KIAA0825: variants seen among roughly 807,000 people sequenced by gnomAD.
The protein encoded by KIAA0825 is KIAA0825, also known as uncharacterized protein KIAA0825.
A neutral mutation model predicts 147.6 loss-of-function variants in KIAA0825; 119 were observed. That is an observed-to-expected ratio of 0.81 (90% confidence interval 0.69 to 0.94). The LOEUF (loss-of-function observed/expected upper bound fraction) is 0.94. KIAA0825 is among the 40% of genes least tolerant of loss of function. The probability of loss-of-function intolerance (pLI) is 0.00; values close to 1 mark genes in which losing one functional copy is unlikely to be tolerated. For missense variants in KIAA0825, 1,381 were observed against 1,472.7 expected, an observed-to-expected ratio of 0.94 and a Z score of 1.02; for synonymous variants, 470 against 518.1, an observed-to-expected ratio of 0.91 and a Z score of 1.26.
At chr5:94,366,426 T>G (rs571940010) in intron 20 of KIAA0825, among the ~76,000 whole-genome samples, 68 of 152,222 alleles carry the variant, frequency 4.5e-4, no homozygotes, top group African/African-American at 1.4e-3. Flanking sequence ...CATTTCTGCT[T>G]CTTCTCCTTG....
intron 20 of KIAA0825, among the ~76,000 whole-genome samples, chr5:94,268,212 T>C (rs1776818128): frequency 6.6e-6 from 1 of 152,160 alleles, no homozygotes; most frequent in Non-Finnish European, 1.5e-5. Context: ...TTCCCTTTAA[T>C]TGGCTTTAGA....
chr5:94,570,802 TTAAAC>T (rs1224354911), intron 2 of KIAA0825: 1 of 152,350 alleles, frequency 6.6e-6, no homozygotes, highest in Non-Finnish European at 1.5e-5. Flanking sequence ...AGATTCTAAT[TTAAAC>T]TACTCTCTGT....
intron 17 of KIAA0825, among the ~76,000 whole-genome samples, chr5:94,393,930 C>T (rs2150571990): frequency 6.6e-6 from 1 of 151,370 alleles, no homozygotes; most frequent in East Asian, 2.0e-4. Context: ...CTCACGGCAA[C>T]CTCCGCCTCC....
chr5:94,268,539 A>G (rs2150139843), intron 20 of KIAA0825, among the ~76,000 whole-genome samples: 1 of 152,246 alleles, frequency 6.6e-6, no homozygotes, highest in South Asian at 2.1e-4. Context: ...ACAAATAGAA[A>G]CGGTGGCTCT....
chr5:94,532,276 T>G (rs1252209304), intron 3 of KIAA0825, among the ~76,000 whole-genome samples: 2 of 152,156 alleles, frequency 1.3e-5, no homozygotes, highest in African/African-American at 4.8e-5. Flanking sequence ...GCACCCCAAG[T>G]AGCTAAACCC....
rs1428031731 is a variant in KIAA0825, at chr5:94,464,906, G to A, written c.2026C>T (p.Arg676Trp). The change falls in exon 11 of 21, where the codon CGG becomes TGG. Residue 676 changes from arginine (R) to tryptophan (W), a missense_variant. Arg to Trp is a moderately radical substitution (Grantham distance 101). Coordinates refer to ENST00000682413, the MANE Select transcript of KIAA0825 (RefSeq NM_001145678.3). ...GTTCTTTTACGGCTGGGGTGGGCCC[G>A]AGCGTATCTGGAGGCCAGTAGACTC... ...SLSLLASRYA[R>W]AHPSRKRTPQ... is the part of the protein sequence containing the mutation. 12 of 1,551,448 alleles carry A rather than the reference G, an allele frequency of 7.7e-6. No individual in the cohort carries two copies. Among genetic ancestry groups the A allele is most frequent in the African/African-American group, 4.1e-5 (3 of 73,000 alleles).
intron 20 of KIAA0825, among the ~76,000 whole-genome samples, chr5:94,361,782 G>T (rs1745097261): frequency 1.3e-5 from 2 of 152,120 alleles, no homozygotes; most frequent in African/African-American, 4.8e-5. Context: ...AACCCTTGGG[G>T]TCTATAAATT....
intron 20 of KIAA0825, among the ~76,000 whole-genome samples, chr5:94,184,474 C>G (rs1212808535): frequency 6.6e-6 from 1 of 152,124 alleles, no homozygotes; most frequent in Non-Finnish European, 1.5e-5. Flanking sequence ...TGCTTTTAAA[C>G]ACATTGATCA....
intron 20 of KIAA0825, among the ~76,000 whole-genome samples, chr5:94,281,628 G>A (rs968793654): frequency 1.3e-5 from 2 of 152,076 alleles, no homozygotes; most frequent in African/African-American, 2.4e-5. Flanking sequence ...GCTGCCTCCT[G>A]CATTGTAGGA....
chr5:94,243,449 T>A (rs1775455515), intron 20 of KIAA0825, among the ~76,000 whole-genome samples: 1 of 152,128 alleles, frequency 6.6e-6, no homozygotes, highest in Non-Finnish European at 1.5e-5. Context: ...CAGTTGAAAG[T>A]TTCTATACCT....
At chr5:94,446,646 G>A (rs924842105) in intron 13 of KIAA0825, among the ~76,000 whole-genome samples, 3 of 152,158 alleles carry the variant, frequency 2.0e-5, no homozygotes, top group East Asian at 1.9e-4. Context: ...TATCAGAAGC[G>A]GGTTGAGAAG....
At chr5:94,575,620 G>C (rs986360097) in intron 2 of KIAA0825, among the ~76,000 whole-genome samples, 1 of 152,190 alleles carries the variant, frequency 6.6e-6, no homozygotes, top group African/African-American at 2.4e-5. Context: ...CCAAAGTATG[G>C]TTCTCCCTGA....
intron 4 of KIAA0825, among the ~76,000 whole-genome samples, chr5:94,523,655 TTGATA>T (rs755738465): frequency 7.9e-5 from 12 of 151,660 alleles, no homozygotes; most frequent in African/African-American, 2.6e-4. Context: ...TTTTGTGGTA[TTGATA>T]TGATATATAT....
intron 2 of KIAA0825, among the ~76,000 whole-genome samples, chr5:94,564,945 CCCTTTTCTT>C (rs200413565): frequency 0.012 from 1,491 of 120,328 alleles, 27 homozygotes; most frequent in African/African-American, 0.043. Context: ...TTCCCTCCCT[CCCTTTTCTT>C]TTCTTTTCTT....
In KIAA0825 at chr5:94,484,795, G is replaced by C. The variant is rs1305800629; in HGVS notation, c.1106C>G (p.Ser369Ter). 6.7e-7 allele frequency: 1 copy of C among 1,501,436 alleles called. No individual in the cohort carries two copies. The highest frequency in any genetic ancestry group is 9.0e-7 in the Non-Finnish European group (1 of 1,114,668). 93.0% of individuals were successfully genotyped at this position (1,501,436 alleles called of 1,614,324 possible). A position where few individuals can be genotyped will look rare whatever the true frequency, so the allele number is the denominator to read the frequency against. Residue 369 changes from serine (S) to a stop codon, truncating the protein, a stop_gained, in exon 6 of 21, where the codon TCA (serine) becomes TGA (stop). Coordinates refer to ENST00000682413, the MANE Select transcript of KIAA0825 (RefSeq NM_001145678.3). LOFTEE classifies it high-confidence loss of function. ...VQELFDEILL[S>*]LKITRDTSGI... Reference sequence around the variant, plus strand: ...TGAAGTATCCCTGGTTATCTTGAGTGATAAAAGTATTTCGTCAAACAATTC... The same window carrying C: ...TGAAGTATCCCTGGTTATCTTGAGTCATAAAAGTATTTCGTCAAACAATTC...
chr5:94,426,688 G>A (rs1173105234), intron 14 of KIAA0825, among the ~76,000 whole-genome samples: 1 of 152,146 alleles, frequency 6.6e-6, no homozygotes. Context: ...TTTCAAAGGA[G>A]TAAGAAGACT....
chr5:94,242,949 A>G (rs956427270), intron 20 of KIAA0825, among the ~76,000 whole-genome samples: 1 of 152,038 alleles, frequency 6.6e-6, no homozygotes, highest in African/African-American at 2.4e-5. Flanking sequence ...TGTCTCACTT[A>G]TATGGAATTT....
intron 2 of KIAA0825, among the ~76,000 whole-genome samples, chr5:94,571,346 A>G (rs1191607007): frequency 6.6e-6 from 1 of 152,230 alleles, no homozygotes; most frequent in African/African-American, 2.4e-5. Context: ...TTGAACCATT[A>G]TTATTGGAAT....
At chr5:94,480,620 T>C (rs1762391269) in intron 6 of KIAA0825, among the ~76,000 whole-genome samples, 1 of 152,090 alleles carries the variant, frequency 6.6e-6, no homozygotes, top group African/African-American at 2.4e-5. Context: ...GTTAATTATC[T>C]TGTATTTATC....
Sources: gnomAD v4.1 joint callset for allele counts (sites outside exome capture counted in the v4.1 genomes callset) on GRCh38, gnomAD v4.1.1 for gene constraint, MANE v1.5 for transcripts, NCBI Gene and HGNC (gene_info 2026-07-23, HGNC 2026-07-21) for gene names.